The following CADM2 variants were observed in gnomAD, a reference collection of about 807,000 sequenced individuals.
The protein encoded by CADM2 is cell adhesion molecule 2.
CADM2 carries 12 observed loss-of-function variants against 49.8 expected under a neutral mutation model. The observed-to-expected ratio is 0.24, with a 90% CI of 0.15 to 0.39. CADM2 has a LOEUF of 0.39. Among genes scored for constraint, CADM2 ranks in the 10% least tolerant of loss-of-function variants. The pLI is 1.00. For missense variants in CADM2, 378 were observed against 492.3 expected (o/e 0.77, Z 2.20); for synonymous variants, 214 against 175.4 (o/e 1.22, Z -1.74).
chr3:85,468,768 A>G (rs945837243), intron 1 of CADM2, among the ~76,000 whole-genome samples: 7 of 152,128 alleles, frequency 4.6e-5, no homozygotes, highest in African/African-American at 1.2e-4. Flanking sequence ...TACACTAGTC[A>G]TAGAGTAAGG....
At chr3:85,942,495 C>G (rs1201678945) in intron 7 of CADM2, among the ~76,000 whole-genome samples, 1 of 132,040 alleles carries the variant, frequency 7.6e-6, no homozygotes, top group Non-Finnish European at 1.6e-5. Flanking sequence ...TCCCCCCACC[C>G]CACAACAGTC....
At chr3:85,447,855 T>A (rs2037541827) in intron 1 of CADM2, among the ~76,000 whole-genome samples, 1 of 152,154 alleles carries the variant, frequency 6.6e-6, no homozygotes, top group African/African-American at 2.4e-5. Flanking sequence ...AGTAACTAAT[T>A]ATGTGTTAGC....
intron 1 of CADM2, among the ~76,000 whole-genome samples, chr3:85,604,369 C>A (rs976097260): frequency 6.6e-6 from 1 of 151,866 alleles, no homozygotes; most frequent in Non-Finnish European, 1.5e-5. Flanking sequence ...TATCTACCAC[C>A]TAATCCTTTG....
chr3:86,020,141 A>G (rs1274196036), intron 8 of CADM2, among the ~76,000 whole-genome samples: 1 of 152,192 alleles, frequency 6.6e-6, no homozygotes, highest in Non-Finnish European at 1.5e-5. Flanking sequence ...GCAATAAAAA[A>G]TGATAAAGGG....
At chr3:85,378,454 T>C (rs1401739340) in intron 1 of CADM2, among the ~76,000 whole-genome samples, 1 of 152,036 alleles carries the variant, frequency 6.6e-6, no homozygotes, top group East Asian at 1.9e-4. Context: ...GCACTCTACG[T>C]AGTACTTTGC....
At chr3:85,441,670 C>T (rs1205364034) in intron 1 of CADM2, among the ~76,000 whole-genome samples, 1 of 151,990 alleles carries the variant, frequency 6.6e-6, no homozygotes, top group African/African-American at 2.4e-5. Flanking sequence ...AACCACATAC[C>T]TCAAACATAT....
chr3:85,531,259 A>C (rs2106957307), intron 1 of CADM2, among the ~76,000 whole-genome samples: 1 of 152,256 alleles, frequency 6.6e-6, no homozygotes, highest in South Asian at 2.1e-4. Context: ...GATTTCAGTA[A>C]GTTGGAGAAT....
At chr3:85,191,656 A>G (rs1472213740) in intron 1 of CADM2, among the ~76,000 whole-genome samples, 1 of 152,134 alleles carries the variant, frequency 6.6e-6, no homozygotes, top group African/African-American at 2.4e-5. Context: ...AAGGGGATCC[A>G]CTATACATCC....
intron 7 of CADM2, 90 bp downstream of exon 7, chr3:85,935,947 G>A (rs1721145572): frequency 1.5e-6 from 1 of 667,948 alleles, no homozygotes; most frequent in Middle Eastern, 3.0e-4. Context: ...TCCACAGTTT[G>A]TGTCTTTTCT....
intron 8 of CADM2, among the ~76,000 whole-genome samples, chr3:86,059,143 A>G (rs545549182): frequency 1.3e-5 from 2 of 151,878 alleles, no homozygotes; most frequent in South Asian, 4.2e-4. Flanking sequence ...AGCTACTTGC[A>G]TTCATATTTT....
At chr3:85,274,339 A>C (rs1021402177) in intron 1 of CADM2, among the ~76,000 whole-genome samples, 2 of 151,462 alleles carry the variant, frequency 1.3e-5, no homozygotes, top group African/African-American at 4.8e-5. Flanking sequence ...TACTAAAGAG[A>C]GATGACAAGA....
At chr3:85,133,376 T>C (rs930711199) in intron 1 of CADM2, among the ~76,000 whole-genome samples, 2 of 152,144 alleles carry the variant, frequency 1.3e-5, no homozygotes, top group African/African-American at 4.8e-5. Flanking sequence ...ATCCCTGAGC[T>C]AGACACAAAG....
intron 8 of CADM2, among the ~76,000 whole-genome samples, chr3:86,040,883 T>C (rs989649724): frequency 6.6e-6 from 1 of 152,230 alleles, no homozygotes; most frequent in Non-Finnish European, 1.5e-5. Context: ...AGCTGATCTC[T>C]TGGCAGAAAC....
chr3:86,001,989 G>T (rs1730242400), intron 8 of CADM2, among the ~76,000 whole-genome samples: 1 of 152,016 alleles, frequency 6.6e-6, no homozygotes, highest in Non-Finnish European at 1.5e-5. Flanking sequence ...CAAGAAAATT[G>T]GAAGATTCAC....
intron 1 of CADM2, among the ~76,000 whole-genome samples, chr3:85,005,002 G>A (rs1261514095): frequency 1.3e-5 from 2 of 152,164 alleles, no homozygotes; most frequent in Non-Finnish European, 2.9e-5. Context: ...AAGCTCAAAA[G>A]AACTGTCAGT....
chr3:85,921,425 T>C lies in CADM2; in HGVS notation c.700+8882T>C, dbSNP rs538131720. Among the ~76,000 whole-genome samples the C allele has an allele frequency of 2.1e-3, 321 of 152,172 alleles. 3 individuals are homozygous for C. The highest frequency in any genetic ancestry group is 7.6e-3 in the African/African-American group (314 of 41,564). On this transcript the variant is annotated intron_variant, in intron 6 of 9. Transcript: ENST00000383699. The stretch of plus-strand genomic sequence containing the variant: ...GACTTTACTGGATTGGCTCTTGATA[T>C]ATTAGGAAAGATTGTTATTGCTATT...
chr3:86,041,547 A>T (rs1003974415), intron 8 of CADM2, among the ~76,000 whole-genome samples: 1 of 152,182 alleles, frequency 6.6e-6, no homozygotes, highest in Non-Finnish European at 1.5e-5. Flanking sequence ...TTAAATATAT[A>T]TGCACCCAAT....
At chr3:85,086,856 G>A (rs183386917) in intron 1 of CADM2, among the ~76,000 whole-genome samples, 2 of 152,116 alleles carry the variant, frequency 1.3e-5, no homozygotes, top group East Asian at 3.9e-4. Context: ...CATGTCCAAG[G>A]TCAGATATTT....
intron 1 of CADM2, among the ~76,000 whole-genome samples, chr3:85,248,286 T>G (rs1269597306): frequency 1.3e-5 from 2 of 152,124 alleles, no homozygotes; most frequent in South Asian, 4.1e-4. Flanking sequence ...TTTTTTTAAC[T>G]TTTTTTGAGA....
Sources: allele counts gnomAD v4.1 joint callset (sites outside exome capture counted in the v4.1 genomes callset), GRCh38; gene constraint gnomAD v4.1.1; transcripts MANE v1.5; gene names NCBI Gene and HGNC (gene_info 2026-07-23, HGNC 2026-07-21).